PLEKHG1: variants seen among roughly 807,000 people sequenced by gnomAD.
PLEKHG1 encodes pleckstrin homology and RhoGEF domain containing G1, also known as pleckstrin homology domain-containing family G member 1.
A neutral mutation model predicts 100.8 loss-of-function variants in PLEKHG1; 44 were observed. The ratio of observed to expected loss-of-function variants is 0.44; its 90% CI spans 0.34 to 0.56. The LOEUF (loss-of-function observed/expected upper bound fraction) is 0.56, where lower values mean the gene tolerates loss of function less well. Ranked by LOEUF, PLEKHG1 falls within the 20% of genes least tolerant of loss-of-function variation. The pLI is 0.01. For synonymous variants in PLEKHG1, 640 were observed against 662.5 expected (o/e 0.97, Z 0.52); for missense variants, 1,545 against 1,720.9 (o/e 0.90, Z 1.81).
intron 2 of PLEKHG1, among the ~76,000 whole-genome samples, chr6:150,757,222 G>A (rs1448822544): frequency 6.6e-6 from 1 of 152,108 alleles, no homozygotes; most frequent in Non-Finnish European, 1.5e-5. Context: ...GGCTGGTCTC[G>A]AACTTTGACC....
At chr6:150,768,771 A>G (rs1384770288) in intron 3 of PLEKHG1, 33 bp downstream of exon 4, 2 of 1,224,926 alleles carry the variant, frequency 1.6e-6, no homozygotes, top group Non-Finnish European at 2.4e-6. Flanking sequence ...GTTCTCACAT[A>G]CGAGCATTAT....
intron 2 of PLEKHG1, among the ~76,000 whole-genome samples, chr6:150,761,109 T>TTC (rs1661724012): frequency 7.0e-6 from 1 of 142,476 alleles, no homozygotes; most frequent in Non-Finnish European, 1.5e-5. Flanking sequence ...CTTTTTTTTT[T>TTC]TTTTTTTTTT....
chr6:150,832,101 A>G, exon 15 of PLEKHG1: 1 of 1,614,162 alleles, frequency 6.2e-7, no homozygotes, highest in Non-Finnish European at 8.5e-7. Context: ...TTAAAAGTGA[A>G]AAGTCTGGAG....
chr6:150,632,435 G>A (rs935117502), intron 1 of PLEKHG1, among the ~76,000 whole-genome samples: 2 of 152,232 alleles, frequency 1.3e-5, no homozygotes, highest in African/African-American at 4.8e-5. Flanking sequence ...CTGCTCTCAG[G>A]GCCTTGGGTG....
At chr6:150,721,763 G>A (rs1376976008) in intron 1 of PLEKHG1, among the ~76,000 whole-genome samples, 3 of 152,194 alleles carry the variant, frequency 2.0e-5, no homozygotes, top group African/African-American at 7.2e-5. Flanking sequence ...GAGGAACAAT[G>A]ATTGGGGCAA....
intron 3 of PLEKHG1, among the ~76,000 whole-genome samples, chr6:150,702,455 G>A (rs879595436): frequency 6.9e-6 from 1 of 145,392 alleles, no homozygotes; most frequent in African/African-American, 2.5e-5. Flanking sequence ...GGGTGACAGA[G>A]CAAGACTCCG....
At chr6:150,773,258 G>A (rs1040557) in intron 3 of PLEKHG1, among the ~76,000 whole-genome samples, 6,954 of 152,198 alleles carry the variant, frequency 0.046, 227 homozygotes, top group Non-Finnish European at 0.069. Context: ...TCTCGGCTGG[G>A]TGCAGTGGCT....
intron 1 of PLEKHG1, among the ~76,000 whole-genome samples, chr6:150,634,455 C>T (rs749465209): frequency 6.6e-6 from 1 of 152,210 alleles, no homozygotes; most frequent in East Asian, 1.9e-4. Flanking sequence ...AGTATGCCCT[C>T]AGTATGTTAT....
rs111285733 is a variant in PLEKHG1 at position 150,778,784 on chromosome 6, C to T, written c.513-7606C>T. On this transcript the variant is annotated intron_variant, in intron 3 of 15. Coordinates refer to ENST00000358517, the Ensembl canonical transcript of PLEKHG1. Reference sequence around the variant, plus strand: ...AGGAACAGCTTCATGGGGATGATAGCCCCAGTGACAAGAGGATGAGAGAAA... The same window carrying T: ...AGGAACAGCTTCATGGGGATGATAGTCCCAGTGACAAGAGGATGAGAGAAA... 5.2e-4 allele frequency among the ~76,000 whole-genome samples: 79 copies of T among 152,250 alleles called. 1 individual carries two copies. The highest frequency in any genetic ancestry group is 1.6e-3 in the African/African-American group (67 of 41,534).
exon 12 of PLEKHG1, chr6:150,819,757 G>A (rs200244501): frequency 1.9e-5 from 31 of 1,601,702 alleles, no homozygotes; most frequent in Middle Eastern, 1.7e-4. Flanking sequence ...GCTCCATATC[G>A]GCTGAGAAGA....
chr6:150,724,559 T>TTTC (rs200679680), intron 1 of PLEKHG1, among the ~76,000 whole-genome samples: 990 of 7,842 alleles, frequency 0.13, 24 homozygotes, highest in African/African-American at 0.18. Flanking sequence ...TTTCTTTTTC[T>TTTC]TTTTTTTTTT....
intron 6 of PLEKHG1, among the ~76,000 whole-genome samples, chr6:150,803,689 C>T (rs1786842508): frequency 6.6e-6 from 1 of 152,158 alleles, no homozygotes; most frequent in Non-Finnish European, 1.5e-5. Flanking sequence ...CTTTAGTCAA[C>T]TTCATTTGGC....
chr6:150,649,976 C>CA (rs2128573201), intron 2 of PLEKHG1, among the ~76,000 whole-genome samples: 1 of 151,386 alleles, frequency 6.6e-6, no homozygotes, highest in African/African-American at 2.4e-5. Flanking sequence ...GGCGCCACTG[C>CA]ACTCCAGCCT....
At chr6:150,734,422 T>G (rs1782457589) in intron 2 of PLEKHG1, among the ~76,000 whole-genome samples, 1 of 152,192 alleles carries the variant, frequency 6.6e-6, no homozygotes, top group Admixed American at 6.5e-5. Context: ...GACTCAAGTC[T>G]CCTGGAGCAT....
At chr6:150,664,822 C>T (rs1156964209) in intron 3 of PLEKHG1, among the ~76,000 whole-genome samples, 2 of 152,090 alleles carry the variant, frequency 1.3e-5, no homozygotes, top group African/African-American at 2.4e-5. Context: ...CCACATTCAT[C>T]GCAGAATTGG....
intron 6 of PLEKHG1, among the ~76,000 whole-genome samples, chr6:150,801,485 T>A (rs1786703764): frequency 6.7e-6 from 1 of 148,766 alleles, no homozygotes; most frequent in South Asian, 2.1e-4. Flanking sequence ...TTGCCCAGGC[T>A]GGCGTACAGT....
chr6:150,700,118 C>G (rs951431411), intron 3 of PLEKHG1, among the ~76,000 whole-genome samples: 18 of 152,120 alleles, frequency 1.2e-4, no homozygotes, highest in African/African-American at 4.1e-4. Context: ...GTGAACCTGC[C>G]AGAGAGAAGC....
At chr6:150,749,560 CCA>C (rs1271095955) in intron 2 of PLEKHG1, among the ~76,000 whole-genome samples, 7 of 152,214 alleles carry the variant, frequency 4.6e-5, no homozygotes, top group Non-Finnish European at 8.8e-5. Context: ...TCCTGTAAGA[CCA>C]CAGAGACTTT....
At chr6:150,758,542 T>C (rs947931425) in intron 2 of PLEKHG1, among the ~76,000 whole-genome samples, 13 of 151,724 alleles carry the variant, frequency 8.6e-5, no homozygotes, top group African/African-American at 3.1e-4. Context: ...ACCATGTTGG[T>C]CAGGCTGGTC....
Sources: gnomAD v4.1 joint callset for allele counts (sites outside exome capture counted in the v4.1 genomes callset) on GRCh38, gnomAD v4.1.1 for gene constraint, MANE v1.5 for transcripts, NCBI Gene and HGNC (gene_info 2026-07-23, HGNC 2026-07-21) for gene names.